The following ZNF362 variants were observed in gnomAD, a reference collection of about 807,000 sequenced individuals.
The protein encoded by ZNF362 is rotund homolog.
A neutral mutation model predicts 42.9 loss-of-function variants in ZNF362; 11 were observed. The observed-to-expected ratio is 0.26, with a 90% CI of 0.16 to 0.42. The LOEUF (loss-of-function observed/expected upper bound fraction) is 0.42, where lower values mean the gene tolerates loss of function less well. ZNF362 is among the 20% of genes least tolerant of loss of function. The pLI, the probability that ZNF362 is intolerant of heterozygous loss-of-function variation, is 1.00. For missense variants in ZNF362, 362 were observed against 576.2 expected (o/e 0.63, Z 3.81); for synonymous variants, 255 against 257.3 (o/e 0.99, Z 0.09).
the ZNF362 span, chr1:33,158,202 G>A: frequency 6.5e-7 from 1 of 1,543,782 alleles, no homozygotes; most frequent in Middle Eastern, 1.7e-4. Context: ...GGGCTGGGCT[G>A]TGCTGGGACA....
the ZNF362 span, among the ~76,000 whole-genome samples, chr1:33,243,779 T>G: frequency 6.7e-6 from 1 of 150,262 alleles, no homozygotes; most frequent in African/African-American, 2.4e-5. Flanking sequence ...TTTTTTTTTT[T>G]TTTGTATTTT....
Position 33,276,143 on chromosome 1 carries a change from C to T in ZNF362, c.82C>T (p.Pro28Ser), listed in dbSNP as rs1380948539. ...TAACAACCCCTACTTCTGGCCCCCTCCTCCCACCATGCCCAGCCAGGTAAG... is the reference window on the plus strand; with the variant it reads ...TAACAACCCCTACTTCTGGCCCCCTTCTCCCACCATGCCCAGCCAGGTAAG... ...RFNNPYFWPP[P>S]PTMPSQLDNL... The change falls in exon 3 of 9, where the codon CCT becomes TCT. Residue 28 changes from proline to serine, a missense_variant. Pro to Ser is a moderately conservative substitution (Grantham distance 74). Around this residue, in one of 3 missense-constraint regions of ZNF362, gnomAD observed 266 missense variants for 365.4 expected, o/e 0.73. Transcript: ENST00000539719. The T allele has an allele frequency of 1.2e-6, 2 of 1,613,942 alleles. No homozygotes were observed. The highest frequency in any genetic ancestry group is 2.2e-5 in the East Asian group (1 of 44,866).
the ZNF362 span, among the ~76,000 whole-genome samples, chr1:33,161,357 C>T: frequency 1.3e-5 from 2 of 152,318 alleles, no homozygotes; most frequent in African/African-American, 4.8e-5. The surrounding 1 kb of genome is among the most constrained non-coding windows in gnomAD (Gnocchi z 4.3). Context: ...TGCGGCCAGG[C>T]TGCAGCAGCA....
At chr1:33,176,402 G>A in the ZNF362 span, 1 of 695,898 alleles carries the variant, frequency 1.4e-6, no homozygotes, top group Non-Finnish European at 2.6e-6. Context: ...ACCATACCCT[G>A]CCTACCAGGG....
the ZNF362 span, among the ~76,000 whole-genome samples, chr1:33,217,618 A>G: frequency 6.6e-6 from 1 of 152,232 alleles, no homozygotes; most frequent in Non-Finnish European, 1.5e-5. Context: ...AATGAAAACA[A>G]CTTTATTGTT....
At chr1:33,235,816 G>T in the ZNF362 span, among the ~76,000 whole-genome samples, 4 of 152,210 alleles carry the variant, frequency 2.6e-5, no homozygotes, top group South Asian at 2.1e-4. Flanking sequence ...CTAGGAGAAG[G>T]TTTAGAAGCC....
chr1:33,156,308 T>C, the ZNF362 span, among the ~76,000 whole-genome samples: 1 of 152,216 alleles, frequency 6.6e-6, no homozygotes, highest in African/African-American at 2.4e-5. Flanking sequence ...CCTCCACCTC[T>C]CTTGGACCAG....
the ZNF362 span, among the ~76,000 whole-genome samples, chr1:33,176,822 T>C: frequency 1.9e-4 from 29 of 152,258 alleles, no homozygotes; most frequent in East Asian, 5.4e-3. Context: ...GTAGAAGAAA[T>C]AGATAACAAT....
chr1:33,198,928 C>T, the ZNF362 span, among the ~76,000 whole-genome samples: 1,758 of 152,172 alleles, frequency 0.012, 16 homozygotes, highest in African/African-American at 0.026. Flanking sequence ...AGTTTTGACA[C>T]TGCAGAAGAA....
chr1:33,196,798 C>G, the ZNF362 span, among the ~76,000 whole-genome samples: 1,487 of 152,266 alleles, frequency 9.8e-3, 29 homozygotes, highest in African/African-American at 0.034. Flanking sequence ...ACCAGCATCA[C>G]TACAAACATG....
the ZNF362 span, among the ~76,000 whole-genome samples, chr1:33,140,219 C>T: frequency 5.1e-4 from 77 of 152,240 alleles, no homozygotes; most frequent in South Asian, 2.1e-4. This position sits in a 1 kb window ranked among gnomAD's most constrained non-coding sequence, Gnocchi z 4.0. Context: ...CTTACGGTGG[C>T]GATGAAGGAG....
chr1:33,159,829 G>A, the ZNF362 span: 84 of 1,613,590 alleles, frequency 5.2e-5, no homozygotes, highest in Non-Finnish European at 6.6e-5. This position sits in a 1 kb window ranked among gnomAD's most constrained non-coding sequence, Gnocchi z 4.2. Context: ...GTCGGTCAGC[G>A]TGCGGGCCGT....
the ZNF362 span, among the ~76,000 whole-genome samples, chr1:33,183,579 G>C: frequency 1.7e-4 from 26 of 151,590 alleles, no homozygotes; most frequent in African/African-American, 5.8e-4. Context: ...AGTGAGTCTT[G>C]TTTGGTCCAA....
the ZNF362 span, chr1:33,159,693 G>A: frequency 1.1e-5 from 17 of 1,606,772 alleles, no homozygotes; most frequent in Middle Eastern, 1.7e-4. The surrounding 1 kb of genome is among the most constrained non-coding windows in gnomAD (Gnocchi z 4.2). Flanking sequence ...CTTACCGCTC[G>A]GACAGTGAGG....
chr1:33,288,971 A>G (rs542238078), intron 6 of ZNF362, among the ~76,000 whole-genome samples: 2 of 152,244 alleles, frequency 1.3e-5, no homozygotes, highest in South Asian at 4.1e-4. Context: ...CTTATCCAAC[A>G]GTTGCTCCCT....
At chr1:33,172,184 A>G in the ZNF362 span, among the ~76,000 whole-genome samples, 1 of 152,236 alleles carries the variant, frequency 6.6e-6, no homozygotes, top group Non-Finnish European at 1.5e-5. Context: ...GGTGAGCTCA[A>G]TCAATCTTAG....
chr1:33,167,169 G>T, the ZNF362 span, among the ~76,000 whole-genome samples: 1 of 152,186 alleles, frequency 6.6e-6, no homozygotes, highest in Non-Finnish European at 1.5e-5. This position sits in a 1 kb window ranked among gnomAD's most constrained non-coding sequence, Gnocchi z 4.2. Flanking sequence ...CCACCTCCTT[G>T]AAGAGTCTTG....
the ZNF362 span, among the ~76,000 whole-genome samples, chr1:33,167,195 C>T: frequency 6.6e-6 from 1 of 152,206 alleles, no homozygotes; most frequent in African/African-American, 2.4e-5. This position sits in a 1 kb window ranked among gnomAD's most constrained non-coding sequence, Gnocchi z 4.2. Context: ...CCGCCCCACG[C>T]ACAGTGGCAC....
At chr1:33,279,960 C>T (rs1645979245) in intron 4 of ZNF362, among the ~76,000 whole-genome samples, 164 bp from the exon 5 acceptor site, 1 of 152,202 alleles carries the variant, frequency 6.6e-6, no homozygotes, top group South Asian at 2.1e-4. Flanking sequence ...CTTAAGGTGT[C>T]TAAGGCATCT....
Sources: allele counts gnomAD v4.1 joint callset (sites outside exome capture counted in the v4.1 genomes callset), GRCh38; gene constraint gnomAD v4.1.1; regional missense constraint gnomAD v4.1.1; non-coding constraint Gnocchi (gnomAD v3.1); transcripts MANE v1.5; gene names NCBI Gene and HGNC (gene_info 2026-07-23, HGNC 2026-07-21).